Variants in PPP3CA observed in about 807,000 individuals in gnomAD.
PPP3CA encodes CAM-PRP catalytic subunit.
Under a neutral mutation model 66.5 loss-of-function variants are expected in PPP3CA, and 14 were observed. That is an observed-to-expected ratio of 0.21 (90% CI 0.14 to 0.33). The LOEUF is 0.33. Ranked by LOEUF, PPP3CA falls within the 10% of genes least tolerant of loss-of-function variation. The pLI, the probability that PPP3CA is intolerant of heterozygous loss-of-function variation, is 1.00. For synonymous variants in PPP3CA, 232 were observed against 226.2 expected (o/e 1.03, Z -0.23); for missense variants, 317 against 639.5 (o/e 0.50, Z 5.44).
At chr4:101,262,739 G>A (rs1449149795) in intron 1 of PPP3CA, among the ~76,000 whole-genome samples, 1 of 152,140 alleles carries the variant, frequency 6.6e-6, no homozygotes, top group Non-Finnish European at 1.5e-5. Context: ...CTGTATGTGT[G>A]CCTTCTAGGA....
chr4:101,272,869 C>G, intron 1 of PPP3CA, among the ~76,000 whole-genome samples: 1 of 152,086 alleles, frequency 6.6e-6, no homozygotes, highest in East Asian at 1.9e-4. Context: ...TTTTAATGTT[C>G]CCTTAAGGTA....
intron 2 of PPP3CA, among the ~76,000 whole-genome samples, chr4:101,159,726 T>C (rs1723440539): frequency 6.6e-6 from 1 of 152,172 alleles, no homozygotes; most frequent in Admixed American, 6.5e-5. Flanking sequence ...CTTTAAAAAT[T>C]CACAGAATAT....
intron 8 of PPP3CA, among the ~76,000 whole-genome samples, chr4:101,078,719 T>C (rs1369014369): frequency 2.0e-5 from 3 of 152,198 alleles, no homozygotes; most frequent in Admixed American, 6.5e-5. Flanking sequence ...TATTTTTCCA[T>C]TGATTGTGTT....
chr4:101,123,171 A>G (rs1722082850), intron 2 of PPP3CA, among the ~76,000 whole-genome samples: 1 of 152,222 alleles, frequency 6.6e-6, no homozygotes, highest in Admixed American at 6.5e-5. Flanking sequence ...CTAGGGTACA[A>G]GCTACAAAGG....
At chr4:101,150,539 TTATG>T (rs1723104700) in intron 2 of PPP3CA, among the ~76,000 whole-genome samples, 1 of 152,206 alleles carries the variant, frequency 6.6e-6, no homozygotes, top group African/African-American at 2.4e-5. Flanking sequence ...ATAAGCCACT[TTATG>T]TAATGATTGG....
At chr4:101,192,178 C>T (rs774872240) in intron 2 of PPP3CA, among the ~76,000 whole-genome samples, 4 of 152,162 alleles carry the variant, frequency 2.6e-5, no homozygotes, top group Non-Finnish European at 5.9e-5. Flanking sequence ...GAGATATTAA[C>T]GTTTTAAATA....
intron 1 of PPP3CA, among the ~76,000 whole-genome samples, chr4:101,257,757 C>G (rs950602541): frequency 6.6e-6 from 1 of 151,978 alleles, no homozygotes; most frequent in Non-Finnish European, 1.5e-5. Flanking sequence ...TTATTTTTAG[C>G]CCAACAACAT....
chr4:101,107,182 T>TC (rs1284647259), intron 3 of PPP3CA, among the ~76,000 whole-genome samples: 1 of 152,248 alleles, frequency 6.6e-6, no homozygotes, highest in Non-Finnish European at 1.5e-5. Flanking sequence ...TTTGATTCAG[T>TC]CTTCCCAAAA....
intron 6 of PPP3CA, among the ~76,000 whole-genome samples, chr4:101,088,584 C>CAAAAAAAA (rs1174497803): frequency 1.1e-4 from 4 of 35,740 alleles, no homozygotes; most frequent in Non-Finnish European, 2.0e-4. Flanking sequence ...GACTCCATCT[C>CAAAAAAAA]AAAAAAAAAA....
At chr4:101,211,034 G>C (rs867586565) in intron 1 of PPP3CA, among the ~76,000 whole-genome samples, 1 of 152,058 alleles carries the variant, frequency 6.6e-6, no homozygotes, top group African/African-American at 2.4e-5. Flanking sequence ...CAATTCTTAC[G>C]CAGATTTACT....
chr4:101,063,424 C>T, intron 8 of PPP3CA, 67 bp from the exon 9 acceptor site: 2 of 1,511,638 alleles, frequency 1.3e-6, no homozygotes, highest in East Asian at 2.3e-5. Flanking sequence ...ATGGCTTTAG[C>T]TCATCAAGAA....
At chr4:101,330,263 G>A (rs1026836357) in intron 1 of PPP3CA, 1 of 426,818 alleles carries the variant, frequency 2.3e-6, no homozygotes, top group South Asian at 1.8e-5. Context: ...AGTGAATCCT[G>A]AAGATAGGAC....
intron 1 of PPP3CA, among the ~76,000 whole-genome samples, chr4:101,226,500 C>T (rs1409658083): frequency 6.6e-6 from 1 of 151,640 alleles, no homozygotes; most frequent in Non-Finnish European, 1.5e-5. Context: ...GAAGGAGTCT[C>T]TATAAAGATC....
chr4:101,220,275 T>C (rs1264506489), intron 1 of PPP3CA, among the ~76,000 whole-genome samples: 1 of 146,342 alleles, frequency 6.8e-6, no homozygotes, highest in Non-Finnish European at 1.5e-5. Flanking sequence ...CAAAGCTTTC[T>C]TTTTCAGAAT....
chr4:101,346,688 C>T (rs1410458498), intron 1 of PPP3CA, 51 bp downstream of exon 1: 2 of 1,540,748 alleles, frequency 1.3e-6, no homozygotes, highest in Non-Finnish European at 1.8e-6. Flanking sequence ...GCAAGCTGCC[C>T]TGGCGCCTGC....
intron 1 of PPP3CA, among the ~76,000 whole-genome samples, chr4:101,268,289 T>G (rs1254857483): frequency 6.6e-6 from 1 of 152,142 alleles, no homozygotes; most frequent in East Asian, 1.9e-4. Context: ...ACTTCTTTTC[T>G]GCAAAAATAC....
intron 6 of PPP3CA, among the ~76,000 whole-genome samples, chr4:101,088,029 G>A (rs1729744867): frequency 6.6e-6 from 1 of 152,042 alleles, no homozygotes; most frequent in Non-Finnish European, 1.5e-5. Context: ...TAAAACTCAG[G>A]TCTGCTAATG....
Position 101,346,890 on chromosome 4 carries a change from C to CGCCGCG in PPP3CA, c.-95_-94insCGCGGC. 7.1e-7 allele frequency: 1 copy of CGCCGCG among 1,408,962 alleles called. No homozygotes were observed. Among genetic ancestry groups the CGCCGCG allele is most frequent in the Non-Finnish European group, 9.8e-7 (1 of 1,025,018 alleles). 87.3% of individuals were successfully genotyped at this position (1,408,962 alleles called of 1,614,324 possible). On this transcript the variant is annotated 5_prime_UTR_variant, in exon 1 of 14. Coordinates refer to ENST00000394854, the MANE Select transcript of PPP3CA (RefSeq NM_000944.5). ...GCCAGACACTCAACGCCGCCGCCGCCGCCGCCGCCGCCGCGCTGCAAACCG... is the reference window on the plus strand; with the variant it reads ...GCCAGACACTCAACGCCGCCGCCGCCGCCGCGGCCGCCGCCGCCGCGCTGCAAACCG...
chr4:101,092,606 G>A (rs1384405720), intron 6 of PPP3CA, among the ~76,000 whole-genome samples: 3 of 151,850 alleles, frequency 2.0e-5, no homozygotes, highest in Non-Finnish European at 2.9e-5. Context: ...CCCCTGACAG[G>A]CCCTGGTGTG....
Sources: gnomAD v4.1 joint callset for allele counts (sites outside exome capture counted in the v4.1 genomes callset) on GRCh38, gnomAD v4.1.1 for gene constraint, MANE v1.5 for transcripts, NCBI Gene and HGNC (gene_info 2026-07-23, HGNC 2026-07-21) for gene names.